The following PLPPR1 variants were observed in gnomAD, a reference collection of about 807,000 sequenced individuals.
PLPPR1 encodes the protein phospholipid phosphatase related 1, also known as phospholipid phosphatase-related protein type 1.
PLPPR1 carries 10 observed loss-of-function variants against 33.1 expected under a neutral mutation model. The ratio of observed to expected loss-of-function variants is 0.30; its 90% CI spans 0.19 to 0.51. PLPPR1 has a LOEUF of 0.51. Ranked by LOEUF, PLPPR1 falls within the 20% of genes least tolerant of loss-of-function variation. The pLI is 0.97. For synonymous variants in PLPPR1, 151 were observed against 151.0 expected (o/e 1.00, Z 0.00); for missense variants, 304 against 408.1 (o/e 0.74, Z 2.20).
At position 101,203,742 on chromosome 9, in the gene PLPPR1, T is replaced by G. The variant is rs530768552; in HGVS notation, c.63+18185T>G. Among the ~76,000 whole-genome samples the G allele has an allele frequency of 2.6e-5, 4 of 151,634 alleles. No individual in the cohort carries two copies. In the South Asian group the frequency reaches 8.3e-4, roughly 31 times the overall value. On this transcript the variant is annotated intron_variant, in intron 2 of 7. Coordinates refer to ENST00000374874, the MANE Select transcript of PLPPR1 (RefSeq NM_207299.2). Reference sequence around the variant, plus strand: ...ATTATATAGATATGTTATATATCTATCTATATATATAGACAGATATATAAC... The same window carrying G: ...ATTATATAGATATGTTATATATCTAGCTATATATATAGACAGATATATAAC...
intron 3 of PLPPR1, among the ~76,000 whole-genome samples, chr9:101,283,001 TC>T (rs1348872744): frequency 1.3e-5 from 2 of 152,142 alleles, no homozygotes; most frequent in African/African-American, 4.8e-5. Flanking sequence ...TACCAAAATA[TC>T]AATGATACAT....
At chr9:101,188,285 G>A (rs1300715365) in intron 2 of PLPPR1, among the ~76,000 whole-genome samples, 1 of 151,904 alleles carries the variant, frequency 6.6e-6, no homozygotes, top group Non-Finnish European at 1.5e-5. Flanking sequence ...AATTGCTAGG[G>A]GATAATTACA....
chr9:101,043,141 G>A (rs1475978222), intron 1 of PLPPR1, among the ~76,000 whole-genome samples: 2 of 151,700 alleles, frequency 1.3e-5, no homozygotes, highest in African/African-American at 2.4e-5. Flanking sequence ...TCCCACTTAT[G>A]AGTGAGAACA....
intron 1 of PLPPR1, among the ~76,000 whole-genome samples, chr9:101,098,596 G>A (rs1830852440): frequency 6.6e-6 from 1 of 152,118 alleles, no homozygotes; most frequent in Admixed American, 6.6e-5. Flanking sequence ...TGAATGGTGG[G>A]TAAAAGAAGA....
At chr9:101,061,317 T>C (rs2094274084) in intron 1 of PLPPR1, among the ~76,000 whole-genome samples, 1 of 151,974 alleles carries the variant, frequency 6.6e-6, no homozygotes, top group Non-Finnish European at 1.5e-5. Flanking sequence ...TTCATCCCAT[T>C]AACTTTCATT....
At chr9:101,306,636 C>T (rs572653500) in intron 4 of PLPPR1, among the ~76,000 whole-genome samples, 23 of 152,308 alleles carry the variant, frequency 1.5e-4, no homozygotes, top group Admixed American at 1.2e-3. Context: ...TTTGGCTTCT[C>T]TGAAGTAAGA....
rs375385115 is a variant in PLPPR1, at chr9:101,240,354, G to A, written c.64-29526G>A. On this transcript the variant is annotated intron_variant, in intron 2 of 7. Transcript: ENST00000374874. ...TGATGTCTCCAGCTTTGTTATTTTT[G>A]CTAAGTACTGCCTTGGCTATTCAGG... 7.9e-5 allele frequency among the ~76,000 whole-genome samples: 12 copies of A among 152,002 alleles called. No individual in the cohort carries two copies. The East Asian group carries it at 1.9e-3, about 25-fold the overall frequency.
At chr9:101,280,140 C>T (rs953910597) in intron 3 of PLPPR1, among the ~76,000 whole-genome samples, 3 of 151,896 alleles carry the variant, frequency 2.0e-5, no homozygotes, top group African/African-American at 7.2e-5. Flanking sequence ...TAGAAGGATC[C>T]TTAGAGACTA....
intron 4 of PLPPR1, among the ~76,000 whole-genome samples, chr9:101,288,051 A>C (rs1229494188): frequency 6.6e-6 from 1 of 152,208 alleles, no homozygotes; most frequent in Non-Finnish European, 1.5e-5. Context: ...AAGATAAATT[A>C]TACCTTTTGT....
At chr9:101,112,487 A>T (rs1831068772) in intron 1 of PLPPR1, among the ~76,000 whole-genome samples, 1 of 152,214 alleles carries the variant, frequency 6.6e-6, no homozygotes, top group Admixed American at 6.5e-5. Context: ...CTTCAGATGC[A>T]AACAGTGTCA....
intron 4 of PLPPR1, among the ~76,000 whole-genome samples, chr9:101,290,694 C>A (rs1220146980): frequency 1.3e-5 from 2 of 151,978 alleles, no homozygotes; most frequent in African/African-American, 4.8e-5. Flanking sequence ...AAAAATGAGG[C>A]CATTATAAGT....
intron 1 of PLPPR1, among the ~76,000 whole-genome samples, chr9:101,067,711 C>A (rs1830435618): frequency 6.6e-6 from 1 of 152,044 alleles, no homozygotes; most frequent in Non-Finnish European, 1.5e-5. Flanking sequence ...AGATTCCTTT[C>A]TTTCCTCTAG....
At chr9:101,041,393 A>G (rs1278585410) in intron 1 of PLPPR1, among the ~76,000 whole-genome samples, 3 of 152,232 alleles carry the variant, frequency 2.0e-5, no homozygotes, top group East Asian at 1.9e-4. Flanking sequence ...CTACAACAAA[A>G]TAAGCAAATG....
At chr9:101,189,503 T>A (rs896915181) in intron 2 of PLPPR1, among the ~76,000 whole-genome samples, 1 of 152,132 alleles carries the variant, frequency 6.6e-6, no homozygotes, top group African/African-American at 2.4e-5. Context: ...GAGGCATGTC[T>A]GACCCTCCAA....
chr9:101,265,155 G>T (rs1447475885), intron 2 of PLPPR1, among the ~76,000 whole-genome samples: 1 of 152,134 alleles, frequency 6.6e-6, no homozygotes, highest in African/African-American at 2.4e-5. Flanking sequence ...AACCAGCAAA[G>T]GGCCTTGGTA....
intron 1 of PLPPR1, among the ~76,000 whole-genome samples, chr9:101,173,989 T>C (rs886951057): frequency 7.9e-5 from 12 of 152,058 alleles, no homozygotes; most frequent in South Asian, 2.1e-4. Flanking sequence ...AGACCCTGTT[T>C]CCACAAAAAC....
chr9:101,099,920 T>C (rs1235136104), intron 1 of PLPPR1, among the ~76,000 whole-genome samples: 1 of 152,160 alleles, frequency 6.6e-6, no homozygotes, highest in African/African-American at 2.4e-5. Context: ...TTTCCACTAA[T>C]GTCCAATAAT....
chr9:101,124,836 T>A (rs1831224819), intron 1 of PLPPR1, among the ~76,000 whole-genome samples: 1 of 152,224 alleles, frequency 6.6e-6, no homozygotes, highest in Non-Finnish European at 1.5e-5. Flanking sequence ...TATGACCATA[T>A]TTTTTTCTAA....
chr9:101,254,277 G>A (rs1827761749), intron 2 of PLPPR1, among the ~76,000 whole-genome samples: 1 of 152,078 alleles, frequency 6.6e-6, no homozygotes, highest in Non-Finnish European at 1.5e-5. Flanking sequence ...ATCTAGGGGT[G>A]ATAGGAAACA....
Sources: gnomAD v4.1 joint callset for allele counts (sites outside exome capture counted in the v4.1 genomes callset) on GRCh38, gnomAD v4.1.1 for gene constraint, MANE v1.5 for transcripts, NCBI Gene and HGNC (gene_info 2026-07-23, HGNC 2026-07-21) for gene names.